Variants in CAPN13 observed in about 807,000 individuals in gnomAD.
The protein encoded by CAPN13 is calpain 13.
A neutral mutation model predicts 98.4 loss-of-function variants in CAPN13; 90 were observed. That is an observed-to-expected ratio of 0.92 (90% CI 0.77 to 1.09). The LOEUF is 1.09. CAPN13 is among the 50% of genes least tolerant of loss of function. CAPN13 has a pLI of 0.00. For synonymous variants in CAPN13, 330 were observed against 305.5 expected (o/e 1.08, Z -0.84); for missense variants, 887 against 841.3 (o/e 1.05, Z -0.67).
intron 1 of CAPN13, among the ~76,000 whole-genome samples, chr2:30,799,736 A>C (rs917773563): frequency 6.6e-6 from 1 of 151,780 alleles, no homozygotes; most frequent in African/African-American, 2.4e-5. Flanking sequence ...GGAAGAGGCC[A>C]TGAAATGAAA....
chr2:30,734,233 T>C (rs996704384), intron 19 of CAPN13, among the ~76,000 whole-genome samples: 1 of 152,096 alleles, frequency 6.6e-6, no homozygotes, highest in African/African-American at 2.4e-5. Flanking sequence ...TCTGGGAAAA[T>C]TGAATGGCAC....
chr2:30,744,223 G>A (rs768108275), intron 12 of CAPN13, among the ~76,000 whole-genome samples: 1 of 152,140 alleles, frequency 6.6e-6, no homozygotes, highest in Non-Finnish European at 1.5e-5. Flanking sequence ...ATTCCATTTC[G>A]AATGGTTATG....
chr2:30,778,843 T>A (rs1422378414), intron 2 of CAPN13, among the ~76,000 whole-genome samples: 1 of 152,146 alleles, frequency 6.6e-6, no homozygotes, highest in Non-Finnish European at 1.5e-5. Flanking sequence ...AGGGGGACCC[T>A]GGGGTGGCAC....
intron 2 of CAPN13, among the ~76,000 whole-genome samples, chr2:30,782,360 C>T (rs1260045071): frequency 2.6e-5 from 4 of 152,150 alleles, no homozygotes; most frequent in Non-Finnish European, 5.9e-5. Context: ...AGCGTCACTC[C>T]CTTTTCTATT....
chr2:30,753,158 A>G lies in CAPN13; in HGVS notation c.982T>C (p.Phe328Leu). Residue 328 changes from phenylalanine (F) to leucine (L), a missense_variant, in exon 10 of 23, where the codon TTT (phenylalanine) becomes CTT (leucine). Physicochemically the swap from Phe to Leu is conservative, Grantham distance 22. Transcript: ENST00000295055. ...GTAATTGGAATTTCGCTACATATAAACATGGCGATGAATTTCTGTTGGAAA... is the reference window on the plus strand; with the variant it reads ...GTAATTGGAATTTCGCTACATATAAGCATGGCGATGAATTTCTGTTGGAAA... The part of the protein sequence containing the change: ...QDFQQKFIAM[F>L]ICSEIPITLD... 6.2e-7 allele frequency: 1 copy of G among 1,614,006 alleles called. No homozygotes were observed. The highest frequency in any genetic ancestry group is 8.5e-7 in the Non-Finnish European group (1 of 1,179,876).
At chr2:30,800,635 T>C (rs1198405099) in intron 1 of CAPN13, among the ~76,000 whole-genome samples, 1 of 152,230 alleles carries the variant, frequency 6.6e-6, no homozygotes, top group Admixed American at 6.5e-5. Flanking sequence ...AGATTCTGTA[T>C]TTCTGGAACT....
intron 3 of CAPN13, among the ~76,000 whole-genome samples, chr2:30,776,577 T>C (rs1168699723): frequency 2.0e-5 from 3 of 152,190 alleles, no homozygotes; most frequent in African/African-American, 7.2e-5. Context: ...CTGTGTACAA[T>C]TGAGGAAAAC....
chr2:30,736,599 C>T (rs376765324), intron 17 of CAPN13, 28 bp from the exon 18 acceptor site: 1 of 1,611,754 alleles, frequency 6.2e-7, no homozygotes, highest in Non-Finnish European at 8.5e-7. Context: ...AGTGAACCAG[C>T]CAGCGTGCAA....
chr2:30,732,744 G>C (rs1183954517), intron 19 of CAPN13, among the ~76,000 whole-genome samples, 178 bp from the exon 20 acceptor site: 1 of 152,194 alleles, frequency 6.6e-6, no homozygotes, highest in East Asian at 1.9e-4. Context: ...CAGGAACCTA[G>C]TTCTGGAGTC....
intron 1 of CAPN13, among the ~76,000 whole-genome samples, chr2:30,788,450 T>C (rs1674439779): frequency 6.6e-6 from 1 of 152,160 alleles, no homozygotes; most frequent in Admixed American, 6.5e-5. Context: ...CCTCCATCTG[T>C]GAGGCTGGCC....
chr2:30,732,313 G>GGCTGCTGGCCCACCCT, intron 20 of CAPN13, 125 bp downstream of exon 20: 1 of 1,247,608 alleles, frequency 8.0e-7, no homozygotes, highest in Non-Finnish European at 1.1e-6. Flanking sequence ...ACCTCACACA[G>GGCTGCTGGCCCACCCT]GCTGCTGGCC....
At chr2:30,731,523 C>G in intron 20 of CAPN13, 124 bp from the exon 21 acceptor site, 1 of 755,420 alleles carries the variant, frequency 1.3e-6, no homozygotes, top group East Asian at 3.0e-5. Flanking sequence ...CCTCCTGCTC[C>G]GCGGGGTGTG....
At chr2:30,731,889 G>A (rs1374051180) in intron 20 of CAPN13, among the ~76,000 whole-genome samples, 1 of 152,164 alleles carries the variant, frequency 6.6e-6, no homozygotes, top group Non-Finnish European at 1.5e-5. Context: ...GCGGTGAGAG[G>A]ATTATGAGTG....
intron 10 of CAPN13, among the ~76,000 whole-genome samples, chr2:30,752,435 C>T (rs913380594): frequency 1.3e-5 from 2 of 152,322 alleles, no homozygotes; most frequent in Middle Eastern, 3.4e-3. Context: ...GTGACTTTCC[C>T]AAGGCCATGA....
At chr2:30,741,454 A>C in intron 15 of CAPN13, 1 of 1,003,774 alleles carries the variant, frequency 1.0e-6, no homozygotes, top group Non-Finnish European at 1.2e-6. Context: ...ATAACAGTTT[A>C]TTAAGCCATT....
chr2:30,776,192 G>T, intron 3 of CAPN13, 147 bp from the exon 4 acceptor site: 1 of 551,308 alleles, frequency 1.8e-6, no homozygotes, highest in Non-Finnish European at 3.2e-6. Flanking sequence ...AACCGGGGGA[G>T]GGAGTCACAG....
Position 30,776,002 on chromosome 2 carries a change from G to A in CAPN13, c.315C>T (p.Asn105=), listed in dbSNP as rs1673671550. 1 of 1,613,056 alleles carries A rather than the reference G, an allele frequency of 6.2e-7. No homozygotes were observed. The highest frequency in any genetic ancestry group is 1.3e-5 in the African/African-American group (1 of 74,884). Reference sequence around the variant, plus strand: ...TCAGGATCTTCTGCCTGTACTGTGGGTTCTGAGTCAAGGATCCCAGTGCTG... The same window carrying A: ...TCAGGATCTTCTGCCTGTACTGTGGATTCTGAGTCAAGGATCCCAGTGCTG... ...FLAALGSLTQ[N]PQYRQKILMV... is the part of the protein sequence containing the mutation. The change falls in exon 4 of 23, where the codon AAC becomes AAT. Residue 105 remains asparagine (N), a synonymous_variant. Coordinates refer to ENST00000295055, the MANE Select transcript of CAPN13 (RefSeq NM_144575.3).
intron 4 of CAPN13, among the ~76,000 whole-genome samples, chr2:30,773,992 A>C (rs1158415966): frequency 2.6e-5 from 4 of 151,088 alleles, no homozygotes; most frequent in African/African-American, 9.9e-5. Context: ...AGAGTTATGA[A>C]TTATATTCTC....
At chr2:30,726,153 G>A (rs1670848901) in intron 22 of CAPN13, among the ~76,000 whole-genome samples, 5 of 152,202 alleles carry the variant, frequency 3.3e-5, no homozygotes, top group Admixed American at 3.3e-4. Context: ...GACATACCCA[G>A]GCTTATAGTC....
Sources: gnomAD v4.1 joint callset for allele counts (sites outside exome capture counted in the v4.1 genomes callset) on GRCh38, gnomAD v4.1.1 for gene constraint, MANE v1.5 for transcripts, NCBI Gene and HGNC (gene_info 2026-07-23, HGNC 2026-07-21) for gene names.